RHOBTB2: variants seen among roughly 807,000 people sequenced by gnomAD.
The protein encoded by RHOBTB2 is rho-related BTB domain-containing protein 2.
In RHOBTB2, 39 loss-of-function variants were observed where a neutral mutation model predicts 66.5. The observed-to-expected ratio is 0.59, with a 90% CI of 0.45 to 0.77. RHOBTB2 has a LOEUF of 0.77. Among genes scored for constraint, RHOBTB2 ranks in the 30% least tolerant of loss-of-function variants. The pLI is 0.00. For synonymous variants in RHOBTB2, 390 were observed against 395.0 expected (o/e 0.99, Z 0.15); for missense variants, 755 against 999.1 (o/e 0.76, Z 3.29).
At chr8:22,998,127 G>C (rs1220161348), upstream of RHOBTB2, among the ~76,000 whole-genome samples, 1 of 152,172 alleles carries the variant, frequency 6.6e-6, no homozygotes, top group African/African-American at 2.4e-5. Flanking sequence ...ACATTGACCA[G>C]GTAGGTAGGC....
the RHOBTB2 span, among the ~76,000 whole-genome samples, chr8:22,964,476 C>T: frequency 1.3e-5 from 2 of 152,256 alleles, no homozygotes; most frequent in African/African-American, 4.8e-5. Context: ...ATTTATTGTG[C>T]TATTGGGAAA....
chr8:22,973,454 G>C, the RHOBTB2 span, among the ~76,000 whole-genome samples: 12 of 151,852 alleles, frequency 7.9e-5, no homozygotes, highest in Non-Finnish European at 1.2e-4. Flanking sequence ...GGCTGGTCTC[G>C]AACTCCTGGC....
At chr8:23,009,713 G>T (rs1811079145) in intron 6 of RHOBTB2, among the ~76,000 whole-genome samples, 1 of 152,206 alleles carries the variant, frequency 6.6e-6, no homozygotes, top group African/African-American at 2.4e-5. Context: ...AAGATTTCTG[G>T]GAAGGAAGTA....
upstream of RHOBTB2, chr8:22,999,487 C>G: frequency 4.3e-6 from 4 of 920,936 alleles, no homozygotes; most frequent in Non-Finnish European, 5.4e-6. Context: ...TCCCCTTCTT[C>G]CCCCGCCCGC....
exon 1 of RHOBTB2, chr8:22,987,433 C>T (rs1329738078): frequency 6.6e-6 from 1 of 152,598 alleles, no homozygotes; most frequent in Non-Finnish European, 1.5e-5. Flanking sequence ...CACCTGCCTT[C>T]CCATAAGCTG....
intron 1 of RHOBTB2, among the ~76,000 whole-genome samples, chr8:23,002,113 G>C (rs1255894381): frequency 6.6e-6 from 1 of 152,174 alleles, no homozygotes; most frequent in Non-Finnish European, 1.5e-5. Context: ...TCATTCCCCC[G>C]CTTCTGTCTA....
chr8:23,012,819 A>C (rs564190916), intron 7 of RHOBTB2, among the ~76,000 whole-genome samples: 1 of 152,030 alleles, frequency 6.6e-6, no homozygotes, highest in East Asian at 1.9e-4. Flanking sequence ...TTATTTATTT[A>C]TTGACATAGA....
rs759486308 is a variant in RHOBTB2 at position 23,007,115 on chromosome 8, C to T, written c.870C>T (p.Ser290=). ...AHKIYLSTSS[S]KFYDLFLMDL... ...AGATCTACCTCTCCACCTCTTCCTCCAAGTTCTATGACCTGTTCCTCATGG... is the reference window on the plus strand; with the variant it reads ...AGATCTACCTCTCCACCTCTTCCTCTAAGTTCTATGACCTGTTCCTCATGG... Residue 290 remains serine (S), a synonymous_variant, in exon 5 of 10, where the codon TCC becomes TCT. Transcript: ENST00000251822. 9 of 1,609,824 alleles carry T rather than the reference C, an allele frequency of 5.6e-6. No individual in the cohort carries two copies. In the African/African-American group the frequency reaches 8.0e-5, roughly 14 times the overall value.
chr8:23,001,407 C>A (rs1169809231), intron 1 of RHOBTB2, among the ~76,000 whole-genome samples: 1 of 148,676 alleles, frequency 6.7e-6, no homozygotes, highest in Non-Finnish European at 1.5e-5. Context: ...AGCAATGATA[C>A]AACATCAGCA....
At position 23,015,608 on chromosome 8, in the gene RHOBTB2, A is replaced by G. The variant is rs1274604719; in HGVS notation, c.1861-30A>G. ...GCAGACCCTCTCCCCTGGGGATTTC[A>G]GTACAGACGTTCTTCCCTTCTGTCC... On this transcript the variant is annotated intron_variant, in intron 8 of 9. Coordinates refer to ENST00000251822, the MANE Select transcript of RHOBTB2 (RefSeq NM_015178.3). 2.0e-6 allele frequency: 3 copies of G among 1,501,960 alleles called. No homozygotes were observed. The African/African-American group carries it at 4.1e-5, about 21-fold the overall frequency. 93.0% of individuals were successfully genotyped at this position (1,501,960 alleles called of 1,614,324 possible).
At chr8:23,000,253 C>A in intron 1 of RHOBTB2, 148 bp downstream of exon 1, 2 of 412,678 alleles carry the variant, frequency 4.8e-6, no homozygotes, top group Non-Finnish European at 6.5e-6. Context: ...CTGGGTACAG[C>A]GGGGCTGGAG....
At chr8:22,986,869 C>T (rs373057517), upstream of RHOBTB2, among the ~76,000 whole-genome samples, 77 of 152,338 alleles carry the variant, frequency 5.1e-4, no homozygotes, top group East Asian at 0.013. Flanking sequence ...CCCGGATGTC[C>T]GGCCACTGTG....
the RHOBTB2 span, among the ~76,000 whole-genome samples, chr8:22,950,930 C>A: frequency 3.3e-5 from 5 of 152,164 alleles, no homozygotes; most frequent in African/African-American, 1.2e-4. Context: ...GGCACAACTG[C>A]CGGCATTCAC....
chr8:22,958,403 G>C, the RHOBTB2 span, among the ~76,000 whole-genome samples: 1 of 152,152 alleles, frequency 6.6e-6, no homozygotes, highest in African/African-American at 2.4e-5. Flanking sequence ...GCATAGTGTG[G>C]GGTAAGGAGA....
intron 1 of RHOBTB2, among the ~76,000 whole-genome samples, chr8:22,991,460 G>T (rs537742290): frequency 1.1e-4 from 16 of 152,238 alleles, no homozygotes; most frequent in Non-Finnish European, 1.9e-4. Flanking sequence ...AGAGGGGTCT[G>T]TGAAGATGGG....
At chr8:22,998,270 A>G (rs1441663111), upstream of RHOBTB2, among the ~76,000 whole-genome samples, 1 of 152,188 alleles carries the variant, frequency 6.6e-6, no homozygotes, top group Non-Finnish European at 1.5e-5. Context: ...TCCTAATCAT[A>G]TTTTGCATAA....
chr8:22,961,715 C>T, the RHOBTB2 span, among the ~76,000 whole-genome samples: 1 of 152,094 alleles, frequency 6.6e-6, no homozygotes, highest in Non-Finnish European at 1.5e-5. Flanking sequence ...TCTTTGAGAG[C>T]TCAGCTTTGC....
At chr8:22,994,607 C>T (rs775190503), upstream of RHOBTB2, 21 of 1,551,468 alleles carry the variant, frequency 1.4e-5, no homozygotes, top group South Asian at 1.1e-4. Context: ...GAAAAGGCCC[C>T]GATGGCCCCC....
chr8:23,000,633 TTAATC>T (rs1266962590), intron 1 of RHOBTB2, among the ~76,000 whole-genome samples: 28 of 152,298 alleles, frequency 1.8e-4, no homozygotes, highest in African/African-American at 6.5e-4. Flanking sequence ...TTGCATTTCT[TTAATC>T]TGACCATTCA....
Sources: allele counts gnomAD v4.1 joint callset (sites outside exome capture counted in the v4.1 genomes callset), GRCh38; gene constraint gnomAD v4.1.1; transcripts MANE v1.5; gene names NCBI Gene and HGNC (gene_info 2026-07-23, HGNC 2026-07-21).